ADAMTS12: variants seen among roughly 807,000 people sequenced by gnomAD.
The protein encoded by ADAMTS12 is ADAM metallopeptidase with thrombospondin type 1 motif 12, also known as A disintegrin and metalloproteinase with thrombospondin motifs 12.
Under a neutral mutation model 167.8 loss-of-function variants are expected in ADAMTS12, and 118 were observed. The ratio of observed to expected loss-of-function variants is 0.70; its 90% CI spans 0.61 to 0.82. ADAMTS12 has a LOEUF of 0.82. Among genes scored for constraint, ADAMTS12 ranks in the 40% least tolerant of loss-of-function variants. The probability of loss-of-function intolerance (pLI) is 0.00; values close to 1 mark genes in which losing one functional copy is unlikely to be tolerated. For synonymous variants in ADAMTS12, 704 were observed against 716.9 expected (o/e 0.98, Z 0.29); for missense variants, 1,916 against 1,998.8 (o/e 0.96, Z 0.79).
At chr5:33,779,877 A>C (rs2112439599) in intron 2 of ADAMTS12, among the ~76,000 whole-genome samples, 1 of 152,312 alleles carries the variant, frequency 6.6e-6, no homozygotes, top group Admixed American at 6.5e-5. Flanking sequence ...AAGAAGGATA[A>C]GTTCTGGAGA....
intron 17 of ADAMTS12, among the ~76,000 whole-genome samples, chr5:33,592,259 A>G (rs1452090119): frequency 7.2e-6 from 1 of 138,348 alleles, no homozygotes; most frequent in Non-Finnish European, 1.5e-5. Context: ...AACAAAAAAC[A>G]AAAAAACAAA....
rs145080883 is a variant in ADAMTS12 at position 33,775,156 on chromosome 5, A to T, written c.490-23608T>A. On this transcript the variant is annotated intron_variant, in intron 2 of 23. Transcript: ENST00000504830. ...AAGAATGTCCAAATGCGCAGAGAAG[A>T]CCTGCTTGGCACAAACTGACATCCC... 3.0e-3 allele frequency among the ~76,000 whole-genome samples: 456 copies of T among 152,290 alleles called. 4 individuals are homozygous for T. The highest frequency in any genetic ancestry group is 0.027 in the East Asian group (140 of 5,178).
At chr5:33,671,281 CATAGAACTAA>C (rs1741682857) in intron 5 of ADAMTS12, among the ~76,000 whole-genome samples, 1 of 152,060 alleles carries the variant, frequency 6.6e-6, no homozygotes, top group Non-Finnish European at 1.5e-5. Flanking sequence ...ACAAAAATCG[CATAGAACTAA>C]ATGTATACAC....
At chr5:33,695,605 T>TACTG (rs1742726288) in intron 3 of ADAMTS12, among the ~76,000 whole-genome samples, 1 of 152,162 alleles carries the variant, frequency 6.6e-6, no homozygotes, top group Admixed American at 6.5e-5. Flanking sequence ...AAAGGACAAA[T>TACTG]ACTGTATGAT....
chr5:33,568,680 G>A (rs1746142475), intron 19 of ADAMTS12, among the ~76,000 whole-genome samples: 1 of 152,256 alleles, frequency 6.6e-6, no homozygotes, highest in Non-Finnish European at 1.5e-5. Context: ...GAAGACGGGT[G>A]ATTTCTGCAT....
chr5:33,650,758 A>T (rs1740840003), intron 7 of ADAMTS12, among the ~76,000 whole-genome samples: 1 of 152,214 alleles, frequency 6.6e-6, no homozygotes, highest in Non-Finnish European at 1.5e-5. Flanking sequence ...TCTCAAGATC[A>T]CCCAAAGACG....
At chr5:33,649,457 C>A in intron 8 of ADAMTS12, 97 bp downstream of exon 8, 1 of 1,458,010 alleles carries the variant, frequency 6.9e-7, no homozygotes, top group East Asian at 2.4e-5. Flanking sequence ...GGATGGAATC[C>A]AGCCTTTTCC....
intron 2 of ADAMTS12, among the ~76,000 whole-genome samples, chr5:33,841,385 A>G (rs1453711950): frequency 6.6e-6 from 1 of 152,018 alleles, no homozygotes; most frequent in Non-Finnish European, 1.5e-5. Flanking sequence ...CATTTCACCA[A>G]CCATCCTGTC....
chr5:33,843,610 G>A (rs925623288), intron 2 of ADAMTS12, among the ~76,000 whole-genome samples: 6 of 152,210 alleles, frequency 3.9e-5, no homozygotes, highest in Non-Finnish European at 4.4e-5. Flanking sequence ...AAATATAAAA[G>A]GGAGAAAACC....
intron 2 of ADAMTS12, among the ~76,000 whole-genome samples, chr5:33,862,128 C>T (rs1316284297): frequency 6.6e-6 from 1 of 152,034 alleles, no homozygotes. Context: ...ACTAGAGAAG[C>T]AAGAACAAAC....
At position 33,754,748 on chromosome 5, in the gene ADAMTS12, T is replaced by C. The variant is rs1323448169; in HGVS notation, c.490-3200A>G. 2.0e-5 allele frequency among the ~76,000 whole-genome samples: 3 copies of C among 152,012 alleles called. No homozygotes were observed. In the East Asian group the frequency reaches 5.8e-4, roughly 29 times the overall value. ...GCACGTGCCTGTAATCCCAGCTACT[T>C]GGGAGGCTGAGGCAGGAGAATTGCT... is the stretch of plus-strand genomic sequence containing the variant. On this transcript the variant is annotated intron_variant, in intron 2 of 23. Coordinates refer to ENST00000504830, the MANE Select transcript of ADAMTS12 (RefSeq NM_030955.4).
chr5:33,604,186 C>T (rs1027828165), intron 16 of ADAMTS12, among the ~76,000 whole-genome samples: 26 of 152,066 alleles, frequency 1.7e-4, no homozygotes, highest in Admixed American at 1.4e-3. Flanking sequence ...ATTCAACACT[C>T]GTTTATAATG....
chr5:33,593,159 C>T (rs1194478308), intron 17 of ADAMTS12, among the ~76,000 whole-genome samples: 1 of 152,120 alleles, frequency 6.6e-6, no homozygotes, highest in African/African-American at 2.4e-5. Context: ...CGCCTGTAAT[C>T]CCAGCTACCC....
chr5:33,626,306 G>A (rs796722919), intron 13 of ADAMTS12, among the ~76,000 whole-genome samples: 4 of 150,800 alleles, frequency 2.7e-5, no homozygotes, highest in African/African-American at 9.7e-5. Context: ...GGTGCTGCGG[G>A]GTAATGGTGG....
chr5:33,687,875 C>T lies in ADAMTS12; in HGVS notation c.635-3820G>A, dbSNP rs574814547. Among the ~76,000 whole-genome samples, 33 of 152,286 alleles carry T rather than the reference C, an allele frequency of 2.2e-4. No individual in the cohort carries two copies. In the East Asian group the frequency reaches 6.4e-3, roughly 29 times the overall value. On this transcript the variant is annotated intron_variant, in intron 3 of 23. Transcript: ENST00000504830. ...GACAAAGACAGCTAGTTCTTTGGGT[C>T]AGGTGAGGGGCTGATGATTCTGGGA... is the stretch of plus-strand genomic sequence containing the variant.
chr5:33,891,473 T>C lies in ADAMTS12; in HGVS notation c.127+257A>G, dbSNP rs994854158. The C allele has an allele frequency of 6.0e-5, 27 of 448,572 alleles. No individual in the cohort carries two copies. The East Asian group carries it at 6.3e-4, about 10-fold the overall frequency. The allele number at this position is 448,572 out of a possible 1,614,324, so 27.8% of individuals were successfully genotyped here. A position where few individuals can be genotyped will look rare whatever the true frequency, so the allele number is the denominator to read the frequency against. ...AAAGTTACCAGCTACCTCTTGGGTCTTTCAAAGACTGCAGTGTCATCCCTG... is the reference window on the plus strand; with the variant it reads ...AAAGTTACCAGCTACCTCTTGGGTCCTTCAAAGACTGCAGTGTCATCCCTG... On this transcript the variant is annotated intron_variant, in intron 1 of 23. Coordinates refer to ENST00000504830, the MANE Select transcript of ADAMTS12 (RefSeq NM_030955.4).
chr5:33,771,959 CA>C (rs1346826740), intron 2 of ADAMTS12, among the ~76,000 whole-genome samples: 2 of 152,148 alleles, frequency 1.3e-5, no homozygotes, highest in East Asian at 3.9e-4. Flanking sequence ...TGAGCTCAAG[CA>C]AGCCTCCCAC....
chr5:33,615,517 A>T (rs1738958360), intron 15 of ADAMTS12, among the ~76,000 whole-genome samples: 1 of 152,190 alleles, frequency 6.6e-6, no homozygotes, highest in South Asian at 2.1e-4. Flanking sequence ...TTGGAAAGCT[A>T]CTTGGAAACC....
intron 7 of ADAMTS12, among the ~76,000 whole-genome samples, chr5:33,654,995 T>C (rs1439368050): frequency 6.6e-6 from 1 of 152,008 alleles, no homozygotes; most frequent in Non-Finnish European, 1.5e-5. Context: ...ACCATGTCAC[T>C]CTTCAGGTTC....
Sources: gnomAD v4.1 joint callset for allele counts (sites outside exome capture counted in the v4.1 genomes callset) on GRCh38, gnomAD v4.1.1 for gene constraint, MANE v1.5 for transcripts, NCBI Gene and HGNC (gene_info 2026-07-23, HGNC 2026-07-21) for gene names.